The following ZNF90 variants were observed in gnomAD, a reference collection of about 807,000 sequenced individuals.
The protein encoded by ZNF90 is zinc finger protein 90.
Under a neutral mutation model 12.0 loss-of-function variants are expected in ZNF90, and 11 were observed. The observed-to-expected ratio is 0.92, with a 90% CI of 0.58 to 1.52. ZNF90 has a LOEUF of 1.52. Ranked by LOEUF, ZNF90 falls within the 40% of genes most tolerant of loss-of-function variation. The pLI is 0.00. For synonymous variants in ZNF90, 232 were observed against 240.1 expected (o/e 0.97, Z 0.31); for missense variants, 765 against 711.5 (o/e 1.08, Z -0.86).
chr19:20,081,130 A>G (rs114524654), intron 1 of ZNF90, among the ~76,000 whole-genome samples: 2,256 of 152,222 alleles, frequency 0.015, 53 homozygotes, highest in African/African-American at 0.052. Flanking sequence ...CACACTAGAC[A>G]TAGACGTGCC....
chr19:20,111,836 A>G (rs932940303), intron 3 of ZNF90, among the ~76,000 whole-genome samples: 4 of 151,550 alleles, frequency 2.6e-5, no homozygotes, highest in Non-Finnish European at 5.9e-5. Flanking sequence ...ATTATTTTAT[A>G]TGCTGTATTT....
At chr19:20,106,545 C>T (rs2089040282) in intron 3 of ZNF90, among the ~76,000 whole-genome samples, 1 of 152,216 alleles carries the variant, frequency 6.6e-6, no homozygotes, top group Non-Finnish European at 1.5e-5. Context: ...GCTCCGCCTC[C>T]CAGGTTCACG....
intron 3 of ZNF90, among the ~76,000 whole-genome samples, chr19:20,110,382 A>C (rs10411419): frequency 0.027 from 4,048 of 151,968 alleles, 180 homozygotes; most frequent in African/African-American, 0.09. Flanking sequence ...GGGTTCAAGC[A>C]ATTCTCCTGC....
At chr19:20,114,034 T>G (rs1415977584) in intron 3 of ZNF90, among the ~76,000 whole-genome samples, 1 of 152,232 alleles carries the variant, frequency 6.6e-6, no homozygotes, top group Non-Finnish European at 1.5e-5. Context: ...GGCTTACGCC[T>G]GTAATCGCAT....
chr19:20,083,155 C>T (rs112110339), intron 1 of ZNF90, among the ~76,000 whole-genome samples: 2,904 of 147,442 alleles, frequency 0.02, 94 homozygotes, highest in African/African-American at 0.067. Context: ...AGACTGGTGC[C>T]GGTGCCGGTC....
chr19:20,119,684 G>A lies in ZNF90; in HGVS notation c.*324G>A, dbSNP rs188479679. On this transcript the variant is annotated 3_prime_UTR_variant, in exon 4 of 4. Transcript: ENST00000418063. ...CACCCAGCCTGGAGTGCAATGGCAC[G>A]ATCTCTGCTCACTGCAACCTCTTCC... 2.6e-3 allele frequency: 578 copies of A among 224,188 alleles called. 5 individuals carry two copies. The highest frequency in any genetic ancestry group is 0.02 in the Middle Eastern group (11 of 538). The allele number at this position is 224,188 out of a possible 1,614,324, so 13.9% of individuals were successfully genotyped here. A position where few individuals can be genotyped will look rare whatever the true frequency, so the allele number is the denominator to read the frequency against.
Position 20,119,391 on chromosome 19 carries a change from T to G in ZNF90, c.*31T>G. 1 of 1,527,452 alleles carries G rather than the reference T, an allele frequency of 6.5e-7. No individual in the cohort carries two copies. Among genetic ancestry groups the G allele is most frequent in the Non-Finnish European group, 8.8e-7 (1 of 1,132,450 alleles). The allele number at this position is 1,527,452 out of a possible 1,614,324, so 94.6% of individuals were successfully genotyped here. A position where few individuals can be genotyped will look rare whatever the true frequency, so the allele number is the denominator to read the frequency against. On this transcript the variant is annotated 3_prime_UTR_variant, in exon 4 of 4. Coordinates refer to ENST00000418063, the MANE Select transcript of ZNF90 (RefSeq NM_007138.2). The stretch of plus-strand genomic sequence containing the variant: ...TCCTCAACCCTTAATAAACATAAGA[T>G]AATTCATACTGGAGAGAAACCGTAT...
chr19:20,096,475 G>C (rs1555703292), intron 1 of ZNF90, among the ~76,000 whole-genome samples: 1 of 152,064 alleles, frequency 6.6e-6, no homozygotes, highest in African/African-American at 2.4e-5. Flanking sequence ...TATAGGATTT[G>C]GGTAGGTAAA....
chr19:20,082,395 CATAAG>C (rs1052120306), intron 1 of ZNF90, among the ~76,000 whole-genome samples: 1 of 152,156 alleles, frequency 6.6e-6, no homozygotes, highest in African/African-American at 2.4e-5. Context: ...AAGAAGTAGA[CATAAG>C]AGACTCCATT....
Position 20,117,965 on chromosome 19 carries a change from G to C in ZNF90, c.411G>C (p.Leu137Phe), listed in dbSNP as rs571397723. The change falls in exon 4 of 4, where the codon TTG becomes TTC. Residue 137 changes from leucine (L) to phenylalanine (F), a missense_variant. Coordinates refer to ENST00000418063, the MANE Select transcript of ZNF90 (RefSeq NM_007138.2). ...GTTATAATGGACTTAACCAATGTTT[G>C]ACAGCTACCCAGAGCAAAGTATTTC... The part of the protein sequence containing the change: ...KRGYNGLNQC[L>F]TATQSKVFQC... 6.2e-7 allele frequency: 1 copy of C among 1,613,324 alleles called. No homozygotes were observed. The highest frequency in any genetic ancestry group is 1.3e-5 in the African/African-American group (1 of 74,900).
intron 1 of ZNF90, among the ~76,000 whole-genome samples, chr19:20,078,527 G>T (rs2088795456): frequency 6.6e-6 from 1 of 152,110 alleles, no homozygotes; most frequent in South Asian, 2.1e-4. Flanking sequence ...AACTTATGGG[G>T]CCGGTCGCTG....
intron 1 of ZNF90, chr19:20,080,212 C>T: frequency 1.8e-6 from 1 of 570,754 alleles, no homozygotes; most frequent in Non-Finnish European, 3.5e-6. Context: ...GTACCACCGT[C>T]CTGACGGTGT....
At chr19:20,106,376 C>T (rs1314161318) in intron 3 of ZNF90, among the ~76,000 whole-genome samples, 1 of 152,100 alleles carries the variant, frequency 6.6e-6, no homozygotes, top group African/African-American at 2.4e-5. Context: ...ATTTCCAGTG[C>T]TACATTAAAA....
At chr19:20,098,084 T>A (rs541197294) in intron 1 of ZNF90, among the ~76,000 whole-genome samples, 2 of 152,188 alleles carry the variant, frequency 1.3e-5, no homozygotes, top group African/African-American at 4.8e-5. Flanking sequence ...AGCTGTCTAC[T>A]TATATTCACG....
At chr19:20,102,451 A>G (rs2088997186) in intron 1 of ZNF90, among the ~76,000 whole-genome samples, 1 of 152,228 alleles carries the variant, frequency 6.6e-6, no homozygotes, top group South Asian at 2.1e-4. Flanking sequence ...AATAGCAGAA[A>G]GACACAGCAA....
At chr19:20,093,886 AG>A (rs34751954) in intron 1 of ZNF90, among the ~76,000 whole-genome samples, 40,992 of 152,026 alleles carry the variant, frequency 0.27, 6,267 homozygotes, top group East Asian at 0.48. Flanking sequence ...GTCAATCTTC[AG>A]TTGCTAAGCC....
At position 20,119,196 on chromosome 19, in the gene ZNF90, C is replaced by T. The variant is rs782627502; in HGVS notation, c.1642C>T (p.Arg548Cys). 8.8e-5 allele frequency: 142 copies of T among 1,613,214 alleles called. No homozygotes were observed. Among genetic ancestry groups the T allele is most frequent in the Non-Finnish European group, 4.0e-5 (47 of 1,179,792 alleles). ...KCEECGKAFK[R>C]SSQLTSHKIS... Reference sequence around the variant, plus strand: ...TGAAGAATGTGGCAAAGCCTTTAAGCGCTCCTCACAGCTTACTAGTCATAA... The same window carrying T: ...TGAAGAATGTGGCAAAGCCTTTAAGTGCTCCTCACAGCTTACTAGTCATAA... The change falls in exon 4 of 4, where the codon CGC becomes TGC. Residue 548 changes from arginine to cysteine, a missense_variant. Transcript: ENST00000418063.
chr19:20,086,685 C>CACATACTATAT (rs1434666348), intron 1 of ZNF90, among the ~76,000 whole-genome samples: 1 of 152,026 alleles, frequency 6.6e-6, no homozygotes, highest in Admixed American at 6.5e-5. Context: ...TTAAACTATA[C>CACATACTATAT]ACATACTATA....
intron 1 of ZNF90, among the ~76,000 whole-genome samples, chr19:20,081,825 C>G (rs1186544027): frequency 1.3e-5 from 2 of 148,862 alleles, no homozygotes; most frequent in African/African-American, 5.0e-5. Flanking sequence ...AGTGCAGTGG[C>G]GAGATCTCGG....
Sources: allele counts gnomAD v4.1 joint callset (sites outside exome capture counted in the v4.1 genomes callset), GRCh38; gene constraint gnomAD v4.1.1; transcripts MANE v1.5; gene names NCBI Gene and HGNC (gene_info 2026-07-23, HGNC 2026-07-21).